The following FGF10 variants were observed in gnomAD, a reference collection of about 807,000 sequenced individuals.
FGF10 encodes the protein fibroblast growth factor 10.
A neutral mutation model predicts 19.8 loss-of-function variants in FGF10; 2 were observed. The ratio of observed to expected loss-of-function variants is 0.10; its 90% confidence interval spans 0.04 to 0.32. The LOEUF is 0.32. FGF10 is among the 10% of genes least tolerant of loss of function. FGF10 has a pLI of 1.00. For synonymous variants in FGF10, 112 were observed against 94.0 expected (o/e 1.19, Z -1.10); for missense variants, 191 against 246.3 (o/e 0.78, Z 1.50).
chr5:44,383,867 T>C (rs747557737), intron 1 of FGF10, among the ~76,000 whole-genome samples: 1 of 152,098 alleles, frequency 6.6e-6, no homozygotes, highest in Non-Finnish European at 1.5e-5. Context: ...CACAGAAAAC[T>C]CTTGTGTCGT....
At chr5:44,306,641 C>CTTTATA (rs1215886817) in intron 2 of FGF10, among the ~76,000 whole-genome samples, 28 of 152,016 alleles carry the variant, frequency 1.8e-4, no homozygotes, top group Non-Finnish European at 2.9e-4. Context: ...GTTTATATAC[C>CTTTATA]TAGGTGTCTG....
At chr5:44,375,547 G>A (rs1741833274) in intron 1 of FGF10, among the ~76,000 whole-genome samples, 1 of 152,122 alleles carries the variant, frequency 6.6e-6, no homozygotes, top group South Asian at 2.1e-4. Flanking sequence ...AGTTGGTAGG[G>A]AGTAAATCAT....
Position 44,337,680 on chromosome 5 carries a change from G to A in FGF10, c.326-27150C>T, listed in dbSNP as rs188413948. 1.5e-3 allele frequency among the ~76,000 whole-genome samples: 230 copies of A among 152,262 alleles called. 1 individual carries two copies. The highest frequency in any genetic ancestry group is 0.014 in the Middle Eastern group (4 of 294). ...ATTAGGGCCCAGCGTGGTGGCTCAC[G>A]CCTGTAATCCCAGCACTTTGGGAGG... is the stretch of plus-strand genomic sequence containing the variant. On this transcript the variant is annotated intron_variant, in intron 1 of 2. Coordinates refer to ENST00000264664, the MANE Select transcript of FGF10 (RefSeq NM_004465.2).
chr5:44,352,131 G>A (rs1741247649), intron 1 of FGF10, among the ~76,000 whole-genome samples: 1 of 151,550 alleles, frequency 6.6e-6, no homozygotes, highest in African/African-American at 2.4e-5. Context: ...CACTGCATGG[G>A]TGACCATCAT....
In FGF10 at chr5:44,388,476, G is replaced by GCTC. The variant is rs1561223677; in HGVS notation, c.204_206dup (p.Arg68dup). On this transcript the variant is annotated inframe_insertion, in exon 1 of 3. Coordinates refer to ENST00000264664, the MANE Select transcript of FGF10 (RefSeq NM_004465.2). Reference sequence around the variant, plus strand: ...GGACATCTCCTTGAAGGTGATTGTAGCTCCGCACATGCCTTCCCGCGCTGG... The same window carrying GCTC: ...GGACATCTCCTTGAAGGTGATTGTAGCTCCTCCGCACATGCCTTCCCGCGCTGG... 6.2e-7 allele frequency: 1 copy of GCTC among 1,614,148 alleles called. No homozygotes were observed. The highest frequency in any genetic ancestry group is 8.5e-7 in the Non-Finnish European group (1 of 1,180,030).
chr5:44,325,981 C>T (rs1449592899), intron 1 of FGF10, among the ~76,000 whole-genome samples: 1 of 152,016 alleles, frequency 6.6e-6, no homozygotes, highest in African/African-American at 2.4e-5. Context: ...CACTATTATT[C>T]AATAGGTATG....
At chr5:44,371,654 GC>G (rs1417724100) in intron 1 of FGF10, among the ~76,000 whole-genome samples, 1 of 152,000 alleles carries the variant, frequency 6.6e-6, no homozygotes, top group Admixed American at 6.6e-5. Context: ...AACAACCAAA[GC>G]CCTTTGCTTT....
chr5:44,327,109 T>G (rs1413612553), intron 1 of FGF10, among the ~76,000 whole-genome samples: 1 of 152,200 alleles, frequency 6.6e-6, no homozygotes, highest in African/African-American at 2.4e-5. Flanking sequence ...TCAGCGTGGT[T>G]TCCAGCCTGA....
intron 1 of FGF10, among the ~76,000 whole-genome samples, chr5:44,322,576 A>C (rs1740520958): frequency 6.6e-6 from 1 of 152,196 alleles, no homozygotes; most frequent in African/African-American, 2.4e-5. Context: ...GCTTGAGATC[A>C]CAAATGACAG....
intron 2 of FGF10, among the ~76,000 whole-genome samples, chr5:44,306,638 T>C (rs1013868895): frequency 2.6e-5 from 4 of 152,196 alleles, no homozygotes; most frequent in African/African-American, 9.6e-5. Flanking sequence ...TATGTTTATA[T>C]ACCTAGGTGT....
chr5:44,373,896 C>A (rs1336166382), intron 1 of FGF10, among the ~76,000 whole-genome samples: 1 of 152,158 alleles, frequency 6.6e-6, no homozygotes, highest in Non-Finnish European at 1.5e-5. Context: ...GCCACTTTCA[C>A]ATTTTTAGGT....
chr5:44,304,669 T>G lies in FGF10; in HGVS notation c.*326A>C. ...ATCGTTCTTTCAACAGATTGTTCTATGTCCTTTAAGTTCTATCTCAGAGGT... is the reference window on the plus strand; with the variant it reads ...ATCGTTCTTTCAACAGATTGTTCTAGGTCCTTTAAGTTCTATCTCAGAGGT... On this transcript the variant is annotated 3_prime_UTR_variant, in exon 3 of 3. Transcript: ENST00000264664. The G allele has an allele frequency of 3.0e-6, 1 of 328,300 alleles. No homozygotes were observed. The highest frequency in any genetic ancestry group is 5.8e-6 in the Non-Finnish European group (1 of 172,600). The allele number at this position is 328,300 out of a possible 1,614,324, so 20.3% of individuals were successfully genotyped here.
intron 1 of FGF10, among the ~76,000 whole-genome samples, chr5:44,345,654 G>A (rs1402293571): frequency 2.8e-5 from 4 of 140,452 alleles, no homozygotes; most frequent in South Asian, 2.2e-4. Flanking sequence ...AAAAAAAATC[G>A]AACTTCTACT....
intron 1 of FGF10, among the ~76,000 whole-genome samples, chr5:44,339,053 T>C (rs899163712): frequency 1.3e-5 from 2 of 152,168 alleles, no homozygotes; most frequent in Admixed American, 1.3e-4. Context: ...TTCTTTCCTT[T>C]TACTATTTTT....
intron 1 of FGF10, among the ~76,000 whole-genome samples, chr5:44,330,462 C>T (rs115226809): frequency 0.011 from 1,629 of 152,242 alleles, 29 homozygotes; most frequent in African/African-American, 0.037. Context: ...GCATTAACTA[C>T]CTTAAAACAT....
chr5:44,324,800 G>T (rs1740573383), intron 1 of FGF10, among the ~76,000 whole-genome samples: 1 of 152,172 alleles, frequency 6.6e-6, no homozygotes, highest in African/African-American at 2.4e-5. Flanking sequence ...TCTAGGTAAA[G>T]TGGTTGACTT....
intron 1 of FGF10, among the ~76,000 whole-genome samples, chr5:44,381,859 CT>C (rs1418402692): frequency 1.3e-5 from 2 of 152,114 alleles, no homozygotes; most frequent in African/African-American, 2.4e-5. Flanking sequence ...GAATTAGGTT[CT>C]AGTTGTGGTG....
At chr5:44,305,731 G>C (rs1056922244) in intron 2 of FGF10, among the ~76,000 whole-genome samples, 1 of 152,076 alleles carries the variant, frequency 6.6e-6, no homozygotes, top group Admixed American at 6.5e-5. Flanking sequence ...AAAAGGGGGG[G>C]ATGTCTTTCT....
At chr5:44,350,229 AT>A (rs1310549645) in intron 1 of FGF10, among the ~76,000 whole-genome samples, 1 of 150,808 alleles carries the variant, frequency 6.6e-6, no homozygotes, top group Non-Finnish European at 1.5e-5. Flanking sequence ...AAACTAAGAT[AT>A]AACTAGAAGT....
Sources: gnomAD v4.1 joint callset for allele counts (sites outside exome capture counted in the v4.1 genomes callset) on GRCh38, gnomAD v4.1.1 for gene constraint, MANE v1.5 for transcripts, NCBI Gene and HGNC (gene_info 2026-07-23, HGNC 2026-07-21) for gene names.